Variants in NUP88 observed in about 807,000 individuals in gnomAD.
The protein encoded by NUP88 is nucleoporin 88, also known as nuclear pore complex protein Nup88.
A neutral mutation model predicts 93.9 loss-of-function variants in NUP88; 57 were observed. That is an observed-to-expected ratio of 0.61 (90% CI 0.49 to 0.76). The LOEUF is 0.76. Ranked by LOEUF, NUP88 falls within the 30% of genes least tolerant of loss-of-function variation. The pLI, the probability that NUP88 is intolerant of heterozygous loss-of-function variation, is 0.00. For missense variants in NUP88, 911 were observed against 901.0 expected (o/e 1.01, Z -0.14); for synonymous variants, 346 against 336.8 (o/e 1.03, Z -0.30).
At chr17:5,396,285 T>C (rs1316144920) in intron 8 of NUP88, among the ~76,000 whole-genome samples, 1 of 152,210 alleles carries the variant, frequency 6.6e-6, no homozygotes, top group East Asian at 1.9e-4. Flanking sequence ...ACATAACCAT[T>C]AGCAATCACT....
rs780568671 is a variant in NUP88, at chr17:5,419,411, G to A, written c.240C>T (p.Val80=). ...CGCCGCTGGGGCCCCGAAGGCGAAC[G>A]ACTAAGAAGGAGCTGTCTTCTCCGT... ...LWDGEDSSFL[V]VRLRGPSGGG... The change falls in exon 1 of 17, where the codon GTC becomes GTT. Residue 80 remains valine (V), a synonymous_variant. Coordinates refer to ENST00000573584, the MANE Select transcript of NUP88 (RefSeq NM_002532.6). The A allele has an allele frequency of 9.9e-6, 16 of 1,611,856 alleles. No homozygotes were observed. The highest frequency in any genetic ancestry group is 1.3e-5 in the African/African-American group (1 of 74,896).
chr17:5,396,162 G>C (rs1270793771), intron 8 of NUP88, among the ~76,000 whole-genome samples: 1 of 152,078 alleles, frequency 6.6e-6, no homozygotes, highest in Non-Finnish European at 1.5e-5. Flanking sequence ...GGTGAGCCAA[G>C]ATCATGCCAT....
At chr17:5,391,943 G>C (rs1025399485) in intron 9 of NUP88, among the ~76,000 whole-genome samples, 1 of 151,546 alleles carries the variant, frequency 6.6e-6, no homozygotes, top group Non-Finnish European at 1.5e-5. Context: ...TCTCCAACTT[G>C]CACATAAGCC....
At chr17:5,398,583 G>T (rs1198102084) in intron 8 of NUP88, among the ~76,000 whole-genome samples, 1 of 142,584 alleles carries the variant, frequency 7.0e-6, no homozygotes, top group Non-Finnish European at 1.5e-5. Flanking sequence ...GAGCCACTGT[G>T]CCTGGCCTAA....
chr17:5,408,819 G>T lies in NUP88; in HGVS notation c.771C>A (p.Asn257Lys). Residue 257 changes from asparagine to lysine, a missense_variant, in exon 5 of 17, where the codon AAC becomes AAA. Asn to Lys is a moderately conservative substitution (Grantham distance 94, BLOSUM62 0). Transcript: ENST00000573584. Reference protein sequence around the residue: ...AAVPKTLFGQNGKDEVVAYPL... With the variant: ...AAVPKTLFGQKGKDEVVAYPL... ...GGTATGCCACTACTTCATCTTTGCCGTTTTGTCCAAATAGAGTCTTTGGGA... is the reference window on the plus strand; with the variant it reads ...GGTATGCCACTACTTCATCTTTGCCTTTTTGTCCAAATAGAGTCTTTGGGA... 6.2e-7 allele frequency: 1 copy of T among 1,613,934 alleles called. No homozygotes were observed. The highest frequency in any genetic ancestry group is 8.5e-7 in the Non-Finnish European group (1 of 1,179,898).
chr17:5,412,580 C>T (rs1259634555), intron 3 of NUP88, among the ~76,000 whole-genome samples: 3 of 152,124 alleles, frequency 2.0e-5, no homozygotes, highest in African/African-American at 7.2e-5. Context: ...AGAGAACTGA[C>T]AGGAGCCAAT....
At chr17:5,404,988 G>A (rs8067757) in intron 6 of NUP88, 69 bp downstream of exon 6, 53,590 of 1,256,692 alleles carry the variant, frequency 0.043, 1,380 homozygotes, top group African/African-American at 0.066. Flanking sequence ...CATATATTAA[G>A]CATTCATATT....
In NUP88 at chr17:5,419,536, C is replaced by G; in HGVS notation, c.115G>C (p.Ala39Pro). 2 of 1,613,760 alleles carry G rather than the reference C, an allele frequency of 1.2e-6. No individual in the cohort carries two copies. The highest frequency in any genetic ancestry group is 1.7e-6 in the Non-Finnish European group (2 of 1,179,788). The change falls in exon 1 of 17, where the codon GCT becomes CCT. Residue 39 changes from alanine to proline, a missense_variant. Ala to Pro is a conservative substitution (Grantham distance 27). Coordinates refer to ENST00000573584, the MANE Select transcript of NUP88 (RefSeq NM_002532.6). Reference protein sequence around the residue: ...EGLKNQSPTEAEKPASSSLPS... With the variant: ...EGLKNQSPTEPEKPASSSLPS... The stretch of plus-strand genomic sequence containing the variant: ...AACGACGAAGAAGCTGGTTTCTCAG[C>G]TTCGGTTGGACTCTGGTTTTTCAGT...
chr17:5,398,710 T>A (rs1406813882), intron 8 of NUP88, among the ~76,000 whole-genome samples: 1 of 151,922 alleles, frequency 6.6e-6, no homozygotes, highest in South Asian at 2.1e-4. Flanking sequence ...TACCTCAGCC[T>A]TCCGAGTAGC....
At chr17:5,418,075 T>C (rs1597334345) in intron 1 of NUP88, 1 of 144,682 alleles carries the variant, frequency 6.9e-6, no homozygotes, top group African/African-American at 2.6e-5. Flanking sequence ...AACTGGAAGG[T>C]GGAGGTTGCG....
Position 5,419,545 on chromosome 17 carries a change from G to C in NUP88, c.106C>G (p.Pro36Ala), listed in dbSNP as rs1441642208. 4 of 1,613,296 alleles carry C rather than the reference G, an allele frequency of 2.5e-6. No individual in the cohort carries two copies. The highest frequency in any genetic ancestry group is 3.4e-6 in the Non-Finnish European group (4 of 1,179,572). Residue 36 changes from proline (P) to alanine (A), a missense_variant, in exon 1 of 17, where the codon CCA becomes GCA. By Grantham distance (27) the Pro-to-Ala change is conservative. Coordinates refer to ENST00000573584, the MANE Select transcript of NUP88 (RefSeq NM_002532.6). ...RLREGLKNQS[P>A]TEAEKPASSS... is the part of the protein sequence containing the mutation. ...GAAGCTGGTTTCTCAGCTTCGGTTG[G>C]ACTCTGGTTTTTCAGTCCCTCCCGG...
At chr17:5,405,548 A>C (rs1913444908) in intron 5 of NUP88, among the ~76,000 whole-genome samples, 1 of 152,218 alleles carries the variant, frequency 6.6e-6, no homozygotes, top group Non-Finnish European at 1.5e-5. Flanking sequence ...AGAAGCCGCT[A>C]AACATTCCCG....
At chr17:5,386,350 T>C (rs1911975491) in intron 16 of NUP88, 81 bp from the exon 17 acceptor site, 1 of 1,098,870 alleles carries the variant, frequency 9.1e-7, no homozygotes, top group Non-Finnish European at 1.4e-6. Context: ...ACTGGTAATG[T>C]TGAAACATCT....
intron 3 of NUP88, among the ~76,000 whole-genome samples, chr17:5,411,253 A>C (rs557727226): frequency 6.6e-6 from 1 of 152,228 alleles, no homozygotes; most frequent in South Asian, 2.1e-4. Context: ...AAATCTACTT[A>C]TGTGTTTGTT....
chr17:5,399,690 GA>G, intron 7 of NUP88, 40 bp from the exon 8 acceptor site: 1 of 1,124,632 alleles, frequency 8.9e-7, no homozygotes, highest in Non-Finnish European at 1.3e-6. Flanking sequence ...GTAGCCAGTG[GA>G]TAACTAAAAA....
intron 1 of NUP88, 60 bp from the exon 2 acceptor site, chr17:5,416,742 T>C (rs1321484571): frequency 1.5e-6 from 2 of 1,358,184 alleles, no homozygotes; most frequent in African/African-American, 3.2e-5. Context: ...AGGTGGCAGT[T>C]ACTTGAAATC....
At chr17:5,399,231 C>T (rs114638898) in intron 8 of NUP88, among the ~76,000 whole-genome samples, 2,243 of 136,258 alleles carry the variant, frequency 0.016, 51 homozygotes, top group African/African-American at 0.057. Context: ...ATCCCAGACC[C>T]TGATTGAGTC....
At chr17:5,396,981 A>C (rs1240172047) in intron 8 of NUP88, among the ~76,000 whole-genome samples, 1 of 152,178 alleles carries the variant, frequency 6.6e-6, no homozygotes, top group Non-Finnish European at 1.5e-5. Context: ...ATTATCACAC[A>C]AATATTTTCT....
intron 4 of NUP88, among the ~76,000 whole-genome samples, chr17:5,410,449 G>T (rs1913766967): frequency 6.8e-6 from 1 of 147,110 alleles, no homozygotes. Context: ...AGGTGATAAA[G>T]AAATGAATGG....
Sources: allele counts gnomAD v4.1 joint callset (sites outside exome capture counted in the v4.1 genomes callset), GRCh38; gene constraint gnomAD v4.1.1; transcripts MANE v1.5; gene names NCBI Gene and HGNC (gene_info 2026-07-23, HGNC 2026-07-21).